Variants in SMIM36 observed in about 807,000 individuals in gnomAD.
SMIM36 encodes the protein small integral membrane protein 36.
chr17:55,466,450 G>A (rs1483356737), intron 4 of SMIM36, among the ~76,000 whole-genome samples: 3 of 152,096 alleles, frequency 2.0e-5, no homozygotes, highest in Non-Finnish European at 2.9e-5. Flanking sequence ...TTACCAAGCA[G>A]GGGTCCATGA....
intron 3 of SMIM36, 76 bp from the exon 4 acceptor site, chr17:55,467,404 T>A (rs534404093): frequency 1.3e-5 from 2 of 152,164 alleles, no homozygotes; most frequent in African/African-American, 4.8e-5. Context: ...GACCATATTT[T>A]TTTTTTTTTT....
the SMIM36 span, among the ~76,000 whole-genome samples, chr17:55,524,068 C>G: frequency 6.6e-6 from 1 of 152,064 alleles, no homozygotes; most frequent in Admixed American, 6.6e-5. Flanking sequence ...GGTCTTCTCC[C>G]TCCTCCCACT....
intron 1 of SMIM36, among the ~76,000 whole-genome samples, chr17:55,501,260 T>A (rs1339528821): frequency 2.0e-4 from 13 of 66,366 alleles, no homozygotes; most frequent in Admixed American, 5.4e-4. Flanking sequence ...ATATTTTATA[T>A]TTTATAATAT....
chr17:55,517,973 A>T, the SMIM36 span, among the ~76,000 whole-genome samples: 1 of 152,304 alleles, frequency 6.6e-6, no homozygotes, highest in South Asian at 2.1e-4. Flanking sequence ...AATAAAGAGG[A>T]GTGAACAGAG....
At chr17:55,499,160 C>T (rs962140396) in intron 1 of SMIM36, among the ~76,000 whole-genome samples, 2 of 152,034 alleles carry the variant, frequency 1.3e-5, no homozygotes, top group Non-Finnish European at 2.9e-5. Context: ...GGAGATGTTC[C>T]AGCCAAATTA....
chr17:55,463,591 C>T (rs140415680), intron 4 of SMIM36, among the ~76,000 whole-genome samples: 21 of 152,038 alleles, frequency 1.4e-4, no homozygotes, highest in Admixed American at 3.3e-4. Flanking sequence ...ATGAAAGTTA[C>T]GTAAATGTGG....
Position 55,511,196 on chromosome 17 carries a change from C to CGTACT in SMIM36, c.134_138dup (p.Ala47SerfsTer18). 2.5e-6 allele frequency: 1 copy of CGTACT among 398,624 alleles called. No homozygotes were observed. Among genetic ancestry groups the CGTACT allele is most frequent in the Middle Eastern group, 6.3e-4 (1 of 1,590 alleles). The allele number at this position is 398,624 out of a possible 1,614,324, so 24.7% of individuals were successfully genotyped here. On this transcript the variant is annotated frameshift_variant, in exon 1 of 5. Transcript: ENST00000636752. LOFTEE classifies it high-confidence loss of function. ...TGGGCCTCGAGAGTGGCCTCGGGCG[C>CGTACT]GTACTCCTTACTGGGATCCTTGCCT...
intron 4 of SMIM36, among the ~76,000 whole-genome samples, chr17:55,452,102 CAA>C (rs1156887430): frequency 6.1e-3 from 318 of 51,718 alleles, no homozygotes; most frequent in African/African-American, 0.023. Context: ...TCAATCTCTA[CAA>C]AAAAAAAAAA....
chr17:55,495,237 A>G (rs1598455482), intron 1 of SMIM36, among the ~76,000 whole-genome samples: 1 of 152,218 alleles, frequency 6.6e-6, no homozygotes, highest in East Asian at 1.9e-4. Context: ...ACTGAGAATA[A>G]CATTATGATG....
Position 55,505,357 on chromosome 17 carries a change from A to C in SMIM36, c.*174+5522T>G, listed in dbSNP as rs967450449. Among the ~76,000 whole-genome samples, 7 of 69,846 alleles carry C rather than the reference A, an allele frequency of 1.0e-4. 2 individuals carry two copies. The highest frequency in any genetic ancestry group is 1.4e-4 in the Admixed American group (1 of 6,912). The allele number at this position is 69,846 out of a possible 152,430, so 45.8% of individuals were successfully genotyped here. On this transcript the variant is annotated intron_variant, in intron 1 of 4. Transcript: ENST00000636752. ...ATACTGGCAAACCGAATCCAGCAGC[A>C]CATCAAAAAGCTTATCCACCATGAT...
intron 3 of SMIM36, among the ~76,000 whole-genome samples, chr17:55,467,554 G>A (rs1238283785): frequency 6.6e-6 from 1 of 152,020 alleles, no homozygotes; most frequent in Admixed American, 6.6e-5. Context: ...CGGCCACCAT[G>A]CCCAGCTAAT....
intron 1 of SMIM36, among the ~76,000 whole-genome samples, chr17:55,492,743 G>A (rs1357013088): frequency 1.3e-5 from 2 of 152,086 alleles, no homozygotes; most frequent in Non-Finnish European, 2.9e-5. Context: ...GAAATAAAAG[G>A]CAATGTTCTA....
chr17:55,490,599 G>C (rs1489657843), intron 1 of SMIM36, among the ~76,000 whole-genome samples: 1 of 152,196 alleles, frequency 6.6e-6, no homozygotes, highest in Non-Finnish European at 1.5e-5. Flanking sequence ...TGGTCTCCCA[G>C]AAACAGTGCA....
upstream of SMIM36, among the ~76,000 whole-genome samples, chr17:55,513,967 C>A (rs1910224547): frequency 6.6e-6 from 1 of 152,086 alleles, no homozygotes; most frequent in South Asian, 2.1e-4. Context: ...TCTTTGGTTC[C>A]AGTATCTTAT....
At chr17:55,523,918 CT>C in the SMIM36 span, among the ~76,000 whole-genome samples, 8 of 150,618 alleles carry the variant, frequency 5.3e-5, no homozygotes, top group African/African-American at 1.2e-4. Flanking sequence ...TTTTTCTTTT[CT>C]TTTTTTTTAA....
chr17:55,454,078 G>A (rs1262899595), intron 4 of SMIM36: 2 of 152,230 alleles, frequency 1.3e-5, no homozygotes, highest in East Asian at 3.8e-4. Flanking sequence ...GACCACCAGT[G>A]TCAGCTGGGC....
intron 1 of SMIM36, among the ~76,000 whole-genome samples, chr17:55,508,898 G>A (rs1410759249): frequency 6.9e-6 from 1 of 145,120 alleles, no homozygotes; most frequent in African/African-American, 2.6e-5. Context: ...ACTTCAGCCT[G>A]GGTGATAAGG....
chr17:55,495,537 C>T (rs1047577073), intron 1 of SMIM36, among the ~76,000 whole-genome samples: 6 of 152,128 alleles, frequency 3.9e-5, no homozygotes, highest in African/African-American at 1.4e-4. Context: ...TGCCTGTAAT[C>T]CCAGCACTTT....
intron 1 of SMIM36, among the ~76,000 whole-genome samples, chr17:55,498,595 T>C (rs1168214629): frequency 1.3e-5 from 2 of 151,950 alleles, no homozygotes; most frequent in African/African-American, 4.8e-5. Flanking sequence ...TTTTTTTTTT[T>C]AGAGATGAGG....
Sources: allele counts gnomAD v4.1 joint callset (sites outside exome capture counted in the v4.1 genomes callset), GRCh38; gene constraint gnomAD v4.1.1; transcripts MANE v1.5; gene names NCBI Gene and HGNC (gene_info 2026-07-23, HGNC 2026-07-21).